PAPSS2: variants seen among roughly 807,000 people sequenced by gnomAD.
PAPSS2 encodes 3'-phosphoadenosine 5'-phosphosulfate synthase 2, also known as bifunctional 3'-phosphoadenosine 5'-phosphosulfate synthase 2.
Under a neutral mutation model 66.5 loss-of-function variants are expected in PAPSS2, and 61 were observed. The ratio of observed to expected loss-of-function variants is 0.92; its 90% confidence interval spans 0.75 to 1.14. PAPSS2 has a LOEUF of 1.14. Ranked by LOEUF, PAPSS2 falls within the 50% of genes most tolerant of loss-of-function variation. The pLI, the probability that PAPSS2 is intolerant of heterozygous loss-of-function variation, is 0.00. For synonymous variants in PAPSS2, 289 were observed against 287.5 expected (o/e 1.01, Z -0.05); for missense variants, 708 against 789.6 (o/e 0.90, Z 1.24).
Position 87,747,374 on chromosome 10 carries a change from C to G in PAPSS2, c.*1404C>G, listed in dbSNP as rs1486145306. The G allele has an allele frequency of 2.0e-5, 3 of 152,076 alleles. No homozygotes were observed. The highest frequency in any genetic ancestry group is 4.8e-5 in the African/African-American group (2 of 41,410). 9.4% of individuals were successfully genotyped at this position (152,076 alleles called of 1,614,324 possible). On this transcript the variant is annotated 3_prime_UTR_variant, in exon 13 of 13. Transcript: ENST00000456849. ...CTAAATTAGAAAGAGAAAACTGTGA[C>G]AATTTTCATATTCTCATTCTTAAAA...
chr10:87,727,312 T>A lies in PAPSS2; in HGVS notation c.909T>A (p.Ile303=). Residue 303 remains isoleucine (I), a synonymous_variant, in exon 9 of 13, where the codon ATT becomes ATA. Transcript: ENST00000456849. ...GCGTGATCAACATGAGCATCCCCAT[T>A]GTACTGCCCGTCTCTGCAGAGGATA... is the stretch of plus-strand genomic sequence containing the variant. ...PDGVINMSIP[I]VLPVSAEDKT... is the part of the protein sequence containing the mutation. 1.2e-6 allele frequency: 2 copies of A among 1,613,726 alleles called. No homozygotes were observed. The highest frequency in any genetic ancestry group is 1.7e-6 in the Non-Finnish European group (2 of 1,179,994).
Position 87,713,123 on chromosome 10 carries a change from A to T in PAPSS2, c.194A>T (p.Tyr65Phe). The change falls in exon 3 of 13, where the codon TAC becomes TTC. Residue 65 changes from tyrosine (Y) to phenylalanine (F), a missense_variant. Physicochemically the swap from Tyr to Phe is conservative, Grantham distance 22. Coordinates refer to ENST00000456849, the MANE Select transcript of PAPSS2 (RefSeq NM_001015880.2). ...KTTISFALEE[Y>F]LVSHAIPCYS... ...ACGATAAGTTTTGCCCTGGAGGAGT[A>T]CCTTGTCTCCCATGCCATCCCTTGT... The T allele has an allele frequency of 1.2e-6, 2 of 1,613,548 alleles. No individual in the cohort carries two copies.
At chr10:87,689,825 C>T (rs1853147277) in intron 1 of PAPSS2, among the ~76,000 whole-genome samples, 1 of 151,952 alleles carries the variant, frequency 6.6e-6, no homozygotes, top group Non-Finnish European at 1.5e-5. Context: ...TACAAACAGT[C>T]GTAGACATAA....
At chr10:87,676,916 G>A (rs991940555) in intron 1 of PAPSS2, among the ~76,000 whole-genome samples, 6 of 137,708 alleles carry the variant, frequency 4.4e-5, no homozygotes, top group East Asian at 4.2e-4. Context: ...AAAAAAGGCC[G>A]GATGCAGTGG....
Position 87,743,491 on chromosome 10 carries a change from C to T in PAPSS2, c.1341C>T (p.His447=). 6.2e-7 allele frequency: 1 copy of T among 1,614,158 alleles called. No homozygotes were observed. Among genetic ancestry groups the T allele is most frequent in the East Asian group, 2.2e-5 (1 of 44,858 alleles). ...ACAAGCACCCGGTCCTCCTACTACA[C>T]CCTCTGGGCGGCTGGACCAAGGATG... The part of the protein sequence containing the change: ...RGYKHPVLLL[H]PLGGWTKDDD... The change falls in exon 11 of 13, where the codon CAC becomes CAT. Residue 447 remains histidine, a synonymous_variant. Transcript: ENST00000456849.
chr10:87,714,215 A>T, intron 4 of PAPSS2, 33 bp downstream of exon 4: 3 of 1,607,170 alleles, frequency 1.9e-6, no homozygotes, highest in Non-Finnish European at 2.5e-6. Flanking sequence ...TCTACCAGTT[A>T]CATAGGCTGT....
At chr10:87,717,212 T>C (rs767418354) in intron 7 of PAPSS2, among the ~76,000 whole-genome samples, 5 of 152,328 alleles carry the variant, frequency 3.3e-5, no homozygotes, top group East Asian at 1.9e-4. Flanking sequence ...GTAAAGGTCA[T>C]TGGACTTAGC....
intron 1 of PAPSS2, among the ~76,000 whole-genome samples, chr10:87,698,342 G>T (rs771977449): frequency 8.5e-5 from 13 of 152,062 alleles, no homozygotes; most frequent in Non-Finnish European, 1.9e-4. Context: ...TTCTACTATA[G>T]CTTTTTTTTT....
At chr10:87,704,021 C>G in intron 1 of PAPSS2, 1 of 503,324 alleles carries the variant, frequency 2.0e-6, no homozygotes. Flanking sequence ...GCAGAGAGTA[C>G]AGCTTTCAAC....
intron 6 of PAPSS2, among the ~76,000 whole-genome samples, chr10:87,715,335 G>A (rs991640261): frequency 6.6e-6 from 1 of 152,120 alleles, no homozygotes; most frequent in African/African-American, 2.4e-5. Context: ...AATAACTTCT[G>A]TATTTGCATT....
intron 11 of PAPSS2, among the ~76,000 whole-genome samples, chr10:87,743,871 G>A (rs576387563): frequency 2.0e-5 from 3 of 152,294 alleles, no homozygotes; most frequent in East Asian, 1.9e-4. Context: ...TTGGGAGGCC[G>A]AGGTGGGCAG....
chr10:87,688,994 A>T (rs1189302926), intron 1 of PAPSS2, among the ~76,000 whole-genome samples: 1 of 152,136 alleles, frequency 6.6e-6, no homozygotes, highest in Non-Finnish European at 1.5e-5. Flanking sequence ...AAGCAACTCC[A>T]TAAACAAGTC....
chr10:87,738,461 T>C (rs1224374414), intron 9 of PAPSS2, among the ~76,000 whole-genome samples: 1 of 152,022 alleles, frequency 6.6e-6, no homozygotes, highest in Non-Finnish European at 1.5e-5. Context: ...CAGGCTGAAG[T>C]GCAGTGACGC....
intron 1 of PAPSS2, among the ~76,000 whole-genome samples, chr10:87,673,297 A>T (rs1852902553): frequency 6.6e-6 from 1 of 152,196 alleles, no homozygotes; most frequent in African/African-American, 2.4e-5. Context: ...TAATTAGAAC[A>T]TTCCCTTTAT....
intron 9 of PAPSS2, among the ~76,000 whole-genome samples, chr10:87,736,271 T>C (rs1441353940): frequency 7.0e-6 from 1 of 142,878 alleles, no homozygotes; most frequent in East Asian, 2.0e-4. Context: ...TTCTTTTTTT[T>C]TTTTTTTTTT....
At chr10:87,695,411 C>T (rs200948782) in intron 1 of PAPSS2, among the ~76,000 whole-genome samples, 1 of 152,080 alleles carries the variant, frequency 6.6e-6, no homozygotes, top group African/African-American at 2.4e-5. Context: ...GCAAAGGGAA[C>T]AAAAAATAAT....
intron 9 of PAPSS2, among the ~76,000 whole-genome samples, chr10:87,740,929 T>C (rs766208900): frequency 1.3e-5 from 2 of 152,256 alleles, no homozygotes; most frequent in Non-Finnish European, 2.9e-5. Flanking sequence ...AATAGGTTTA[T>C]TAATGTTAGC....
intron 8 of PAPSS2, among the ~76,000 whole-genome samples, chr10:87,726,408 G>A (rs1418863829): frequency 2.0e-5 from 3 of 152,150 alleles, no homozygotes; most frequent in African/African-American, 7.2e-5. Context: ...CCAGCCTGGC[G>A]GCAGAGCAAG....
At chr10:87,690,409 G>T (rs1355240165) in intron 1 of PAPSS2, among the ~76,000 whole-genome samples, 1 of 152,176 alleles carries the variant, frequency 6.6e-6, no homozygotes, top group Non-Finnish European at 1.5e-5. Flanking sequence ...GGAACGAATA[G>T]AAATGACCAT....
Sources: gnomAD v4.1 joint callset for allele counts (sites outside exome capture counted in the v4.1 genomes callset) on GRCh38, gnomAD v4.1.1 for gene constraint, MANE v1.5 for transcripts, NCBI Gene and HGNC (gene_info 2026-07-23, HGNC 2026-07-21) for gene names.